The following GOSR2 variants were observed in gnomAD, a reference collection of about 807,000 sequenced individuals.
GOSR2 encodes 27 kDa Golgi SNARE protein.
A neutral mutation model predicts 27.9 loss-of-function variants in GOSR2; 20 were observed. That is an observed-to-expected ratio of 0.72 (90% CI 0.50 to 1.04). GOSR2 has a LOEUF of 1.04. Ranked by LOEUF, GOSR2 falls within the 50% of genes least tolerant of loss-of-function variation. The pLI is 0.00. For missense variants in GOSR2, 261 were observed against 270.5 expected (o/e 0.97, Z 0.25); for synonymous variants, 91 against 98.8 (o/e 0.92, Z 0.47).
intron 6 of GOSR2, chr17:46,949,147 C>T (rs1174315022): frequency 6.6e-6 from 1 of 152,204 alleles, no homozygotes; most frequent in East Asian, 1.9e-4. Flanking sequence ...TGTCTCTGCT[C>T]AGCGATGTCT....
At chr17:46,960,769 G>C (rs1049783789) in intron 6 of GOSR2, among the ~76,000 whole-genome samples, 1 of 152,172 alleles carries the variant, frequency 6.6e-6, no homozygotes, top group East Asian at 1.9e-4. Context: ...CAGCTTATTG[G>C]GTGATTCCAT....
chr17:46,942,729 T>C (rs1359560622), downstream of GOSR2, among the ~76,000 whole-genome samples: 2 of 152,246 alleles, frequency 1.3e-5, no homozygotes, highest in Non-Finnish European at 2.9e-5. Flanking sequence ...GCCCTATCTG[T>C]GGCTAGTGGG....
downstream of GOSR2, among the ~76,000 whole-genome samples, chr17:46,946,565 A>G (rs760490899): frequency 4.0e-5 from 6 of 151,530 alleles, no homozygotes; most frequent in Non-Finnish European, 5.9e-5. Flanking sequence ...CAGAAAAGTA[A>G]TTAATAATTA....
rs192540108 is a variant in GOSR2, at chr17:46,958,987, A to C, written c.584-7547A>C. 2.6e-5 allele frequency among the ~76,000 whole-genome samples: 4 copies of C among 152,338 alleles called. No individual in the cohort carries two copies. In the South Asian group the frequency reaches 8.3e-4, roughly 32 times the overall value. On this transcript the variant is annotated intron_variant, in intron 6 of 6. Transcript: ENST00000573224. ...TTTACCAAAATCACTGCCAATGCAA[A>C]AATAAGAGGTTTCTGTGCAGCCATG...
chr17:46,940,253 C>G lies in GOSR2; in HGVS notation c.*1493C>G, dbSNP rs185331275. The stretch of plus-strand genomic sequence containing the variant: ...TTCCTGGATGCTAATTTCACACTTT[C>G]GGTTGGAGGAGATCTCCATTGTTCC... On this transcript the variant is annotated 3_prime_UTR_variant, in exon 6 of 6. Coordinates refer to ENST00000640051, the MANE Select transcript of GOSR2 (RefSeq NM_004287.5). 15 of 1,422,834 alleles carry G rather than the reference C, an allele frequency of 1.1e-5. No homozygotes were observed. In the East Asian group the frequency reaches 2.0e-4, roughly 19 times the overall value. The allele number at this position is 1,422,834 out of a possible 1,614,324, so 88.1% of individuals were successfully genotyped here. A position where few individuals can be genotyped will look rare whatever the true frequency, so the allele number is the denominator to read the frequency against.
At chr17:46,925,556 G>A (rs182665405) in intron 1 of GOSR2, among the ~76,000 whole-genome samples, 4 of 152,296 alleles carry the variant, frequency 2.6e-5, no homozygotes, top group Admixed American at 2.0e-4. Flanking sequence ...ATTTGGGCTG[G>A]TTAAACTGTA....
At chr17:46,971,302 A>T (rs1452169488), downstream of GOSR2, among the ~76,000 whole-genome samples, 1 of 152,142 alleles carries the variant, frequency 6.6e-6, no homozygotes, top group Non-Finnish European at 1.5e-5. Flanking sequence ...GCACTACTGC[A>T]CTCCAGCCTG....
exon 7 of GOSR2, chr17:46,966,631 G>T: frequency 1.5e-6 from 1 of 662,250 alleles, no homozygotes; most frequent in Non-Finnish European, 2.8e-6. Flanking sequence ...TTATAGGTAT[G>T]AGCCACCACC....
At chr17:46,955,781 T>G (rs2090667277) in intron 6 of GOSR2, 2 of 152,248 alleles carry the variant, frequency 1.3e-5, no homozygotes, top group Non-Finnish European at 2.9e-5. Context: ...TCAGCAGTAC[T>G]TGGGTTCCAT....
In GOSR2 at chr17:46,941,204, G is replaced by A. The variant is rs2089231424; in HGVS notation, c.*2444G>A. On this transcript the variant is annotated 3_prime_UTR_variant, in exon 6 of 6. Coordinates refer to ENST00000640051, the MANE Select transcript of GOSR2 (RefSeq NM_004287.5). ...AAGAAAAGCCAAACTCCAAGACCAA[G>A]TAAGTTAGAGGAGTCTTGATTTTTT... is the stretch of plus-strand genomic sequence containing the variant. 3 of 1,000,388 alleles carry A rather than the reference G, an allele frequency of 3.0e-6. No homozygotes were observed. Among genetic ancestry groups the A allele is most frequent in the Non-Finnish European group, 3.6e-6 (3 of 837,424 alleles). The allele number at this position is 1,000,388 out of a possible 1,614,324, so 62.0% of individuals were successfully genotyped here.
In GOSR2 at chr17:46,932,088, T is replaced by C. The variant is rs2087479215; in HGVS notation, c.225T>C (p.Tyr75=). Residue 75 remains tyrosine (Y), a synonymous_variant, in exon 4 of 6, where the codon TAT becomes TAC. Transcript: ENST00000640051. ...NARLRVDQLK[Y]DVQHLQTALR... ...CCAGTCGGGTTGACCAGTTAAAGTA[T>C]GATGTCCAGCACCTGCAGACTGCGC... 2 of 1,613,656 alleles carry C rather than the reference T, an allele frequency of 1.2e-6. No homozygotes were observed. The highest frequency in any genetic ancestry group is 1.3e-5 in the African/African-American group (1 of 74,906).
At chr17:46,936,691 C>T in intron 5 of GOSR2, 1 of 984,852 alleles carries the variant, frequency 1.0e-6, no homozygotes, top group Non-Finnish European at 1.2e-6. Context: ...GAAGGTTGAT[C>T]CTTAGCCTCA....
At chr17:46,923,242 G>A (rs1397381624) in intron 1 of GOSR2, 21 bp downstream of exon 1, 7 of 1,550,948 alleles carry the variant, frequency 4.5e-6, no homozygotes, top group Non-Finnish European at 6.1e-6. Context: ...GTCGGGGAGC[G>A]GGCAGGGGCT....
intron 6 of GOSR2, among the ~76,000 whole-genome samples, chr17:46,961,297 G>C (rs1056088336): frequency 5.9e-5 from 9 of 152,174 alleles, no homozygotes; most frequent in Non-Finnish European, 1.3e-4. Context: ...TAGCACTTTG[G>C]GAGGCTGAGG....
chr17:46,956,197 G>T (rs539355985), intron 6 of GOSR2, among the ~76,000 whole-genome samples: 18 of 150,762 alleles, frequency 1.2e-4, no homozygotes, highest in Admixed American at 2.6e-4. Context: ...AACAACACTT[G>T]CAAGGGTTTA....
chr17:46,951,794 G>A (rs2147234006), intron 6 of GOSR2, among the ~76,000 whole-genome samples: 1 of 152,226 alleles, frequency 6.6e-6, no homozygotes, highest in South Asian at 2.1e-4. Context: ...CCCAGGGTGG[G>A]AGAACACACA....
rs1373365051 is a variant in GOSR2 at position 46,941,088 on chromosome 17, G to A, written c.*2328G>A. 2 of 1,051,688 alleles carry A rather than the reference G, an allele frequency of 1.9e-6. No homozygotes were observed. The highest frequency in any genetic ancestry group is 7.5e-5 in the East Asian group (1 of 13,292). 65.1% of individuals were successfully genotyped at this position (1,051,688 alleles called of 1,614,324 possible). ...CTCTGTGACCTTGTACATGAGTTTG[G>A]TGTGCCTATTGTGATTTAAAACAGG... On this transcript the variant is annotated 3_prime_UTR_variant, in exon 6 of 6. Transcript: ENST00000640051.
At chr17:46,954,168 G>A (rs1349847006) in intron 6 of GOSR2, among the ~76,000 whole-genome samples, 1 of 152,140 alleles carries the variant, frequency 6.6e-6, no homozygotes, top group African/African-American at 2.4e-5. Context: ...TATGGTTTTA[G>A]GTCTAACATG....
rs1311256668 is a variant in GOSR2, at chr17:46,940,818, G to C, written c.*2058G>C. Reference sequence around the variant, plus strand: ...TGGTTTTTGGGTCTTTACCACCTGCGGCTGGTGGACAGCAGCCAGTGTGTC... The same window carrying C: ...TGGTTTTTGGGTCTTTACCACCTGCCGCTGGTGGACAGCAGCCAGTGTGTC... On this transcript the variant is annotated 3_prime_UTR_variant, in exon 6 of 6. Coordinates refer to ENST00000640051, the MANE Select transcript of GOSR2 (RefSeq NM_004287.5). 6.8e-7 allele frequency: 1 copy of C among 1,470,250 alleles called. No homozygotes were observed. Among genetic ancestry groups the C allele is most frequent in the Non-Finnish European group, 9.0e-7 (1 of 1,112,386 alleles). The allele number at this position is 1,470,250 out of a possible 1,614,324, so 91.1% of individuals were successfully genotyped here. A position where few individuals can be genotyped will look rare whatever the true frequency, so the allele number is the denominator to read the frequency against.
Sources: allele counts gnomAD v4.1 joint callset (sites outside exome capture counted in the v4.1 genomes callset), GRCh38; gene constraint gnomAD v4.1.1; transcripts MANE v1.5; gene names NCBI Gene and HGNC (gene_info 2026-07-23, HGNC 2026-07-21).